The following TJP3 variants were observed in gnomAD, a reference collection of about 807,000 sequenced individuals.
TJP3 encodes the protein tight junction protein 3.
Under a neutral mutation model 104.2 loss-of-function variants are expected in TJP3, and 85 were observed. The ratio of observed to expected loss-of-function variants is 0.82; its 90% CI spans 0.68 to 0.98. The LOEUF (loss-of-function observed/expected upper bound fraction) is 0.98. TJP3 is among the 50% of genes least tolerant of loss of function. The pLI, the probability that TJP3 is intolerant of heterozygous loss-of-function variation, is 0.00. For missense variants in TJP3, 1,367 were observed against 1,322.8 expected, an observed-to-expected ratio of 1.03 and a Z score of -0.52; for synonymous variants, 550 against 550.6, an observed-to-expected ratio of 1.00 and a Z score of 0.02.
chr19:3,719,115 C>T (rs2036518718), intron 1 of TJP3, among the ~76,000 whole-genome samples: 1 of 151,914 alleles, frequency 6.6e-6, no homozygotes, highest in African/African-American at 2.4e-5. Flanking sequence ...ACCCCGCAGG[C>T]GGAGCTTGCA....
intron 1 of TJP3, among the ~76,000 whole-genome samples, chr19:3,723,825 AT>A (rs1568380001): frequency 6.7e-6 from 1 of 148,366 alleles, no homozygotes; most frequent in Non-Finnish European, 1.5e-5. Flanking sequence ...ATATATATAT[AT>A]ATAAAATAAT....
chr19:3,745,981 G>A (rs754318381), intron 15 of TJP3, 30 bp from the exon 16 acceptor site: 3 of 1,570,720 alleles, frequency 1.9e-6, no homozygotes, highest in African/African-American at 1.4e-5. Context: ...CTGCCCTCCT[G>A]AAGCTGCTGG....
chr19:3,746,655 AG>A lies in TJP3; in HGVS notation c.2182del (p.Ala728ProfsTer18). The A allele has an allele frequency of 2.5e-6, 4 of 1,613,340 alleles. No homozygotes were observed. The highest frequency in any genetic ancestry group is 3.4e-6 in the Non-Finnish European group (4 of 1,179,800). On this transcript the variant is annotated frameshift_variant, in exon 17 of 21. Transcript: ENST00000541714. LOFTEE classifies it high-confidence loss of function. The surrounding 1 kb of genome is among the most constrained non-coding windows in gnomAD (Gnocchi z 4.1). Reference sequence around the variant, plus strand: ...GCAGCACCCGTCGCCTCTACGCACAAGCCCAGAAGCTGCGAAAACACAGCAG... The same window carrying A: ...GCAGCACCCGTCGCCTCTACGCACAACCCAGAAGCTGCGAAAACACAGCAG... ...RRSTRRLYAQ[A>X]QKLRKHSSHL...
intron 1 of TJP3, among the ~76,000 whole-genome samples, chr19:3,726,599 T>G (rs1176403453): frequency 1.3e-5 from 2 of 151,384 alleles, no homozygotes; most frequent in Non-Finnish European, 2.9e-5. Context: ...TTTTGTTTTT[T>G]TTTTTTCTAA....
At chr19:3,711,885 T>C (rs2036437726) in intron 1 of TJP3, among the ~76,000 whole-genome samples, 1 of 152,098 alleles carries the variant, frequency 6.6e-6, no homozygotes, top group South Asian at 2.1e-4. Context: ...GGGGTTTTGC[T>C]GTGTTGGCCG....
At chr19:3,747,250 G>A (rs543078662) in intron 18 of TJP3, among the ~76,000 whole-genome samples, 2 of 152,124 alleles carry the variant, frequency 1.3e-5, no homozygotes, top group East Asian at 1.9e-4. Context: ...TAGCAGAGAC[G>A]AGGTTTCACC....
intron 13 of TJP3, among the ~76,000 whole-genome samples, chr19:3,739,536 G>A (rs796841157): frequency 3.9e-5 from 6 of 152,306 alleles, no homozygotes; most frequent in African/African-American, 1.4e-4. Flanking sequence ...CAGTGTTGGT[G>A]GTTCAATCTG....
intron 1 of TJP3, among the ~76,000 whole-genome samples, chr19:3,727,342 G>C (rs1053826977): frequency 9.2e-5 from 14 of 151,688 alleles, no homozygotes; most frequent in Admixed American, 3.3e-4. Context: ...AATTAGCTGG[G>C]CATGGTGGCA....
At position 3,730,097 on chromosome 19, in the gene TJP3, G is replaced by C. The variant is rs772620289; in HGVS notation, c.228G>C (p.Gln76His). The C allele has an allele frequency of 6.2e-6, 10 of 1,614,042 alleles. No homozygotes were observed. In the South Asian group the frequency reaches 8.8e-5, roughly 14 times the overall value. ...ATGCCACCTCCGCGTTTGCCATTCA[G>C]ATACTCAAGACCTGCACCAAGATGG... The part of the protein sequence containing the change: ...MENATSAFAI[Q>H]ILKTCTKMAN... Residue 76 changes from glutamine (Q) to histidine (H), a missense_variant, in exon 4 of 21, where the codon CAG becomes CAC. Gln to His is a conservative substitution (Grantham distance 24). Transcript: ENST00000541714. The surrounding 1 kb of genome is among the most constrained non-coding windows in gnomAD (Gnocchi z 7.3).
intron 1 of TJP3, among the ~76,000 whole-genome samples, chr19:3,712,640 C>G (rs2036443485): frequency 6.6e-6 from 1 of 152,122 alleles, no homozygotes; most frequent in African/African-American, 2.4e-5. Flanking sequence ...CTCAGCCGTC[C>G]TCCCTTTTGG....
At chr19:3,717,741 T>C (rs564197159) in intron 1 of TJP3, among the ~76,000 whole-genome samples, 3 of 151,768 alleles carry the variant, frequency 2.0e-5, no homozygotes, top group African/African-American at 7.3e-5. Flanking sequence ...GCCTAAGATA[T>C]TTTTAAAAAT....
intron 20 of TJP3, 68 bp from the exon 21 acceptor site, chr19:3,750,514 C>G: frequency 7.3e-7 from 1 of 1,369,688 alleles, no homozygotes; most frequent in Non-Finnish European, 1.0e-6. Flanking sequence ...CACAGCCAGC[C>G]TCAGTTTATG....
At chr19:3,743,864 G>A (rs535955784) in intron 14 of TJP3, 75 bp from the exon 15 acceptor site, 2 of 1,329,728 alleles carry the variant, frequency 1.5e-6, no homozygotes, top group African/African-American at 2.9e-5. Context: ...GGAAGTGGAG[G>A]GGTTTGTACA....
intron 1 of TJP3, among the ~76,000 whole-genome samples, chr19:3,724,334 T>C (rs1249134264): frequency 6.6e-6 from 1 of 151,668 alleles, no homozygotes; most frequent in Non-Finnish European, 1.5e-5. Flanking sequence ...TAGCTGGGAC[T>C]ACAGGCGCCG....
intron 9 of TJP3, 84 bp from the exon 10 acceptor site, chr19:3,735,785 T>C (rs1433012918): frequency 2.4e-5 from 38 of 1,595,800 alleles, no homozygotes; most frequent in Non-Finnish European, 8.6e-7. Flanking sequence ...GTGACAGTCC[T>C]TCCAGGATGA....
At chr19:3,749,830 C>A (rs909391332) in intron 19 of TJP3, among the ~76,000 whole-genome samples, 4 of 152,168 alleles carry the variant, frequency 2.6e-5, no homozygotes, top group African/African-American at 4.8e-5. Context: ...AGGCTGCATA[C>A]GGAGCAGCCA....
rs1453593601 is a variant in TJP3 at position 3,740,721 on chromosome 19, C to G, written c.1801C>G (p.Gln601Glu). 5.6e-6 allele frequency: 9 copies of G among 1,600,860 alleles called. No individual in the cohort carries two copies. The highest frequency in any genetic ancestry group is 7.7e-6 in the Non-Finnish European group (9 of 1,174,316). ...TGAGGACCTCTCAGCTCTGACCCGA[C>G]AGGGCCGCTACCCGCCCTACGAACG... Reference protein sequence around the residue: ...SREDLSALTRQGRYPPYERVV... With the variant: ...SREDLSALTREGRYPPYERVV... The change falls in exon 14 of 21, where the codon CAG (glutamine) becomes GAG (glutamate). Residue 601 changes from glutamine (Q) to glutamate (E), a missense_variant. Coordinates refer to ENST00000541714, the MANE Select transcript of TJP3 (RefSeq NM_001267560.2).
At chr19:3,732,720 G>T (rs1599153867) in intron 6 of TJP3, among the ~76,000 whole-genome samples, 1 of 151,824 alleles carries the variant, frequency 6.6e-6, no homozygotes, top group East Asian at 1.9e-4. Flanking sequence ...TGTTGGCCAG[G>T]CTGGTCTCGA....
At chr19:3,718,300 T>A (rs1456683052) in intron 1 of TJP3, among the ~76,000 whole-genome samples, 2 of 145,834 alleles carry the variant, frequency 1.4e-5, no homozygotes, top group Non-Finnish European at 3.0e-5. Context: ...TTACTCAGGC[T>A]GGTCTCTCCT....
Sources: gnomAD v4.1 joint callset for allele counts (sites outside exome capture counted in the v4.1 genomes callset) on GRCh38, gnomAD v4.1.1 for gene constraint, Gnocchi (gnomAD v3.1) non-coding constraint, MANE v1.5 for transcripts, NCBI Gene and HGNC (gene_info 2026-07-23, HGNC 2026-07-21) for gene names.